PRSS23: variants seen among roughly 807,000 people sequenced by gnomAD.
PRSS23 encodes the protein protease, serine 23.
In PRSS23, 25 loss-of-function variants were observed where a neutral mutation model predicts 34.7. The ratio of observed to expected loss-of-function variants is 0.72; its 90% CI spans 0.53 to 1.01. The LOEUF (loss-of-function observed/expected upper bound fraction) is 1.01, where lower values mean the gene tolerates loss of function less well. Ranked by LOEUF, PRSS23 falls within the 50% of genes least tolerant of loss-of-function variation. PRSS23 has a pLI of 0.00. For synonymous variants in PRSS23, 176 were observed against 186.6 expected, an observed-to-expected ratio of 0.94 and a Z score of 0.46; for missense variants, 445 against 475.6, an observed-to-expected ratio of 0.94 and a Z score of 0.60.
intron 2 of PRSS23, among the ~76,000 whole-genome samples, chr11:86,879,167 T>C (rs1433723664): frequency 1.4e-5 from 2 of 144,428 alleles, no homozygotes; most frequent in African/African-American, 5.3e-5. Context: ...CCATCCCATC[T>C]AGGAAGTGAG....
At chr11:86,879,486 C>T (rs1256540229) in intron 2 of PRSS23, among the ~76,000 whole-genome samples, 6 of 127,038 alleles carry the variant, frequency 4.7e-5, no homozygotes, top group Admixed American at 1.6e-4. Flanking sequence ...CCGCCCCGTC[C>T]GGGAGGGAGG....
chr11:86,937,400 G>C (rs1949171695), intron 2 of PRSS23: 2 of 152,204 alleles, frequency 1.3e-5, no homozygotes, highest in Non-Finnish European at 2.9e-5. Context: ...ACTCCATCTT[G>C]AGTAGGGGCT....
At chr11:86,929,789 C>T (rs1258036175) in intron 2 of PRSS23, among the ~76,000 whole-genome samples, 1 of 152,038 alleles carries the variant, frequency 6.6e-6, no homozygotes, top group East Asian at 1.9e-4. Flanking sequence ...AGATTAAAAA[C>T]AATTAAATGG....
At chr11:86,849,892 A>G (rs1021348233) in intron 2 of PRSS23, among the ~76,000 whole-genome samples, 4 of 152,142 alleles carry the variant, frequency 2.6e-5, no homozygotes, top group Non-Finnish European at 5.9e-5. Flanking sequence ...TAGTCCTCCA[A>G]AACTGAAGAG....
chr11:86,903,506 G>A (rs991606070), intron 2 of PRSS23, among the ~76,000 whole-genome samples: 6 of 133,534 alleles, frequency 4.5e-5, no homozygotes, highest in African/African-American at 1.1e-4. Context: ...TTTTTGAGAC[G>A]GAGTCTCGCT....
At chr11:86,891,968 T>C (rs1355928211) in intron 2 of PRSS23, among the ~76,000 whole-genome samples, 1 of 152,206 alleles carries the variant, frequency 6.6e-6, no homozygotes, top group Non-Finnish European at 1.5e-5. Context: ...ACCTTTTTCC[T>C]TTATAAATGA....
chr11:86,870,298 T>C (rs1948676729), intron 2 of PRSS23, among the ~76,000 whole-genome samples: 1 of 152,112 alleles, frequency 6.6e-6, no homozygotes, highest in African/African-American at 2.4e-5. Context: ...GAAAGTCTTT[T>C]CCAAATTATC....
intron 2 of PRSS23, among the ~76,000 whole-genome samples, chr11:86,887,417 A>C (rs898930879): frequency 7.3e-5 from 11 of 151,498 alleles, no homozygotes; most frequent in African/African-American, 7.3e-5. Context: ...ACAAAACAAA[A>C]AAAAAAAAAC....
chr11:86,824,311 C>CAAAAAT (rs1028895705), intron 2 of PRSS23, among the ~76,000 whole-genome samples: 64 of 59,938 alleles, frequency 1.1e-3, no homozygotes, highest in East Asian at 5.7e-3. Flanking sequence ...GATCCTGTGT[C>CAAAAAT]AAAAATAAAA....
At chr11:86,807,172 A>G (rs796916101) in intron 1 of PRSS23, among the ~76,000 whole-genome samples, 6 of 152,276 alleles carry the variant, frequency 3.9e-5, no homozygotes, top group African/African-American at 1.4e-4. Context: ...TGAGTGACCA[A>G]GTTGCTCTGA....
chr11:86,835,534 G>C (rs531959660), intron 2 of PRSS23, among the ~76,000 whole-genome samples: 1 of 152,172 alleles, frequency 6.6e-6, no homozygotes, highest in African/African-American at 2.4e-5. Context: ...TACTAAATGG[G>C]TATTGGCTTT....
At chr11:86,931,175 G>A (rs997351536) in intron 2 of PRSS23, among the ~76,000 whole-genome samples, 3 of 152,092 alleles carry the variant, frequency 2.0e-5, no homozygotes, top group Non-Finnish European at 4.4e-5. Flanking sequence ...AAAACTGTCT[G>A]GCAGTTTCTT....
chr11:86,868,359 T>A (rs938772582), intron 2 of PRSS23, among the ~76,000 whole-genome samples: 1 of 151,960 alleles, frequency 6.6e-6, no homozygotes, highest in South Asian at 2.1e-4. Flanking sequence ...ATAGCAAGTA[T>A]GGATGATGGA....
At chr11:86,830,013 C>T (rs1590882991) in intron 2 of PRSS23, among the ~76,000 whole-genome samples, 1 of 152,198 alleles carries the variant, frequency 6.6e-6, no homozygotes, top group African/African-American at 2.4e-5. Flanking sequence ...CCACTGCTCT[C>T]TTCAAAGCTG....
intron 2 of PRSS23, among the ~76,000 whole-genome samples, chr11:86,870,779 T>G (rs1443420307): frequency 6.6e-6 from 1 of 152,208 alleles, no homozygotes; most frequent in Non-Finnish European, 1.5e-5. Flanking sequence ...TCCAATCTTC[T>G]CTTTAACCCA....
chr11:86,829,874 C>T lies in PRSS23; in HGVS notation c.206+6281C>T, dbSNP rs192650270. Among the ~76,000 whole-genome samples, 5 of 152,298 alleles carry T rather than the reference C, an allele frequency of 3.3e-5. No individual in the cohort carries two copies. In the East Asian group the frequency reaches 5.8e-4, roughly 18 times the overall value. On this transcript the variant is annotated intron_variant, in intron 2 of 2. Transcript: ENST00000533902. ...GTTTTGTCTCAGAGGAGTACTTGGCCGTGTGAGGTGTCAGTCTGCCCCTAC... is the reference window on the plus strand; with the variant it reads ...GTTTTGTCTCAGAGGAGTACTTGGCTGTGTGAGGTGTCAGTCTGCCCCTAC...
At chr11:86,896,093 T>C (rs558136760) in intron 2 of PRSS23, among the ~76,000 whole-genome samples, 65 of 152,268 alleles carry the variant, frequency 4.3e-4, no homozygotes, top group African/African-American at 1.5e-3. Flanking sequence ...TTAAACTCCT[T>C]AAAACTTGAA....
At chr11:86,890,711 G>T (rs1487028550) in intron 2 of PRSS23, among the ~76,000 whole-genome samples, 2 of 152,196 alleles carry the variant, frequency 1.3e-5, no homozygotes, top group East Asian at 3.8e-4. Context: ...TTAGGGGAAG[G>T]TGTTAAGTGA....
At chr11:86,904,993 C>T (rs1277048655) in intron 2 of PRSS23, among the ~76,000 whole-genome samples, 1 of 152,112 alleles carries the variant, frequency 6.6e-6, no homozygotes, top group Non-Finnish European at 1.5e-5. Context: ...GTGTTAGAGG[C>T]TGCAGTGAGC....
Sources: allele counts gnomAD v4.1 joint callset (sites outside exome capture counted in the v4.1 genomes callset), GRCh38; gene constraint gnomAD v4.1.1; transcripts MANE v1.5; gene names NCBI Gene and HGNC (gene_info 2026-07-23, HGNC 2026-07-21).